Variants in TRDN observed in about 807,000 individuals in gnomAD.
The protein encoded by TRDN is triadin in skeletal muscle.
TRDN carries 161 observed loss-of-function variants against 149.7 expected under a neutral mutation model. The ratio of observed to expected loss-of-function variants is 1.08; its 90% CI spans 0.95 to 1.23. TRDN has a LOEUF of 1.23. Among genes scored for constraint, TRDN ranks in the 50% most tolerant of loss-of-function variants. TRDN has a pLI of 0.00. For synonymous variants in TRDN, 294 were observed against 250.5 expected (o/e 1.17, Z -1.64); for missense variants, 896 against 823.5 (o/e 1.09, Z -1.08).
chr6:123,547,309 A>G lies in TRDN; in HGVS notation c.424+31T>C, dbSNP rs1348816034. On this transcript the variant is annotated intron_variant, in intron 4 of 40. Coordinates refer to ENST00000334268, the MANE Select transcript of TRDN (RefSeq NM_006073.4). The stretch of plus-strand genomic sequence containing the variant: ...AAACCAATATTACCATAAGAGAAAA[A>G]TAATTATTATCAAAGGTGAAAACAA... The G allele has an allele frequency of 2.2e-6, 3 of 1,352,176 alleles. No individual in the cohort carries two copies. In the East Asian group the frequency reaches 8.1e-5, roughly 37 times the overall value. The allele number at this position is 1,352,176 out of a possible 1,614,324, so 83.8% of individuals were successfully genotyped here.
At chr6:123,507,028 T>G (rs1307706602) in intron 7 of TRDN, among the ~76,000 whole-genome samples, 1 of 152,158 alleles carries the variant, frequency 6.6e-6, no homozygotes, top group African/African-American at 2.4e-5. Flanking sequence ...GATAAATGTA[T>G]ACTGGATTAG....
intron 35 of TRDN, 80 bp downstream of exon 35, chr6:123,259,544 T>C (rs1776685999): frequency 2.2e-6 from 2 of 917,592 alleles, no homozygotes; most frequent in East Asian, 5.5e-5. Flanking sequence ...TTTTAAATCA[T>C]ATAATTTGTA....
chr6:123,571,048 A>C lies in TRDN; in HGVS notation c.107T>G (p.Val36Gly), dbSNP rs1782552234. ...GAACGTCGTCACTATGTCTTCTGTGACTGTCCTCTTCAGCACTTTTCCGGG... is the reference window on the plus strand; with the variant it reads ...GAACGTCGTCACTATGTCTTCTGTGCCTGTCCTCTTCAGCACTTTTCCGGG... ...KSPGKVLKRT[V>G]TEDIVTTFSS... Residue 36 changes from valine (V) to glycine (G), a missense_variant, in exon 2 of 41, where the codon GTC (valine) becomes GGC (glycine). Val to Gly is a moderately radical substitution (Grantham distance 109). Coordinates refer to ENST00000334268, the MANE Select transcript of TRDN (RefSeq NM_006073.4). The C allele has an allele frequency of 6.2e-7, 1 of 1,614,004 alleles. No homozygotes were observed. Among genetic ancestry groups the C allele is most frequent in the South Asian group, 1.1e-5 (1 of 91,090 alleles).
intron 1 of TRDN, among the ~76,000 whole-genome samples, chr6:123,603,638 G>A (rs563258950): frequency 1.8e-4 from 27 of 151,966 alleles, no homozygotes; most frequent in African/African-American, 2.9e-4. Flanking sequence ...TGAAAAAGAC[G>A]GACCTAGACT....
intron 23 of TRDN, among the ~76,000 whole-genome samples, chr6:123,324,483 A>G (rs1253746499): frequency 2.0e-5 from 3 of 151,972 alleles, no homozygotes; most frequent in Admixed American, 6.6e-5. Flanking sequence ...ACGAAACAAA[A>G]TAAAACAAAA....
At chr6:123,351,315 T>C (rs1780455868) in intron 21 of TRDN, 1 of 951,212 alleles carries the variant, frequency 1.1e-6, no homozygotes, top group African/African-American at 1.8e-5. Flanking sequence ...TCTTCTCAGA[T>C]GGGCAGATCA....
intron 1 of TRDN, among the ~76,000 whole-genome samples, chr6:123,632,440 G>A (rs1467392365): frequency 6.6e-6 from 1 of 151,912 alleles, no homozygotes. Context: ...CCATGGGTCT[G>A]TGCATTGCCC....
intron 12 of TRDN, among the ~76,000 whole-genome samples, chr6:123,412,030 G>A (rs941935219): frequency 2.2e-4 from 33 of 152,182 alleles, no homozygotes; most frequent in Middle Eastern, 3.2e-3. Flanking sequence ...CTTCTGGCTG[G>A]TTAATTTCAT....
intron 1 of TRDN, among the ~76,000 whole-genome samples, chr6:123,589,551 C>T (rs1171877239): frequency 3.3e-5 from 5 of 152,088 alleles, no homozygotes; most frequent in African/African-American, 7.2e-5. Flanking sequence ...CTCTAATGTG[C>T]GTTTTTTACT....
intron 9 of TRDN, among the ~76,000 whole-genome samples, chr6:123,484,799 A>C (rs1387263496): frequency 6.6e-6 from 1 of 152,204 alleles, no homozygotes; most frequent in African/African-American, 2.4e-5. Context: ...GAAAAAGCTT[A>C]AGCCTTCATT....
intron 1 of TRDN, among the ~76,000 whole-genome samples, chr6:123,622,717 T>C (rs577311357): frequency 4.3e-4 from 65 of 152,288 alleles, no homozygotes; most frequent in Non-Finnish European, 6.8e-4. Context: ...CACTTGTATA[T>C]AGAGTTCTTG....
Position 123,243,221 on chromosome 6 carries a change from C to T in TRDN, c.1975+9191G>A, listed in dbSNP as rs117293961. Among the ~76,000 whole-genome samples, 179 of 152,174 alleles carry T rather than the reference C, an allele frequency of 1.2e-3. 3 individuals are homozygous for T. The East Asian group carries it at 0.03, about 26-fold the overall frequency. On this transcript the variant is annotated intron_variant, in intron 38 of 40. Transcript: ENST00000334268. ...CACAGCTGTCACCAGTCTGATAGCA[C>T]AGGCCCAAAGGACTGTGTTCTGCCC...
At chr6:123,295,740 GAT>G (rs1304031897) in intron 24 of TRDN, among the ~76,000 whole-genome samples, 1 of 151,994 alleles carries the variant, frequency 6.6e-6, no homozygotes, top group Non-Finnish European at 1.5e-5. Flanking sequence ...GAGGCAGGTG[GAT>G]CACTCGAGAC....
intron 16 of TRDN, among the ~76,000 whole-genome samples, 188 bp downstream of exon 16, chr6:123,381,182 A>T (rs1781705844): frequency 6.6e-6 from 1 of 152,036 alleles, no homozygotes. Flanking sequence ...TCTAAAAATG[A>T]TTACTATGCT....
rs148998516 is a variant in TRDN, at chr6:123,345,545, T to G, written c.1369+6994A>C. Among the ~76,000 whole-genome samples the G allele has an allele frequency of 4.5e-3, 689 of 152,142 alleles. 3 individuals are homozygous for G. The highest frequency in any genetic ancestry group is 0.027 in the Middle Eastern group (8 of 294). On this transcript the variant is annotated intron_variant, in intron 21 of 40. Coordinates refer to ENST00000334268, the MANE Select transcript of TRDN (RefSeq NM_006073.4). ...AGTGCTGTGTTGGCTCTTCTGGGTC[T>G]TTTGCCTTTTCATATAAACTTTAGA...
intron 12 of TRDN, among the ~76,000 whole-genome samples, chr6:123,410,871 T>C (rs1436083520): frequency 6.6e-6 from 1 of 151,946 alleles, no homozygotes; most frequent in Admixed American, 6.6e-5. Flanking sequence ...CACAAATACA[T>C]AACAAAATGA....
chr6:123,631,257 G>T (rs1785987147), intron 1 of TRDN, among the ~76,000 whole-genome samples: 1 of 151,850 alleles, frequency 6.6e-6, no homozygotes, highest in Non-Finnish European at 1.5e-5. Context: ...TCATACAAAA[G>T]CTTCATACTT....
At chr6:123,255,979 G>A (rs1000700662) in intron 35 of TRDN, 77 bp from the exon 36 acceptor site, 3 of 855,764 alleles carry the variant, frequency 3.5e-6, no homozygotes, top group Non-Finnish European at 4.7e-6. Context: ...TGGGATACAT[G>A]TGCAGAACAT....
chr6:123,502,251 T>C, intron 8 of TRDN: 1 of 965,682 alleles, frequency 1.0e-6, no homozygotes, highest in Non-Finnish European at 1.2e-6. Flanking sequence ...TTCAACGTAT[T>C]TTCTCTTTAC....
Sources: gnomAD v4.1 joint callset for allele counts (sites outside exome capture counted in the v4.1 genomes callset) on GRCh38, gnomAD v4.1.1 for gene constraint, MANE v1.5 for transcripts, NCBI Gene and HGNC (gene_info 2026-07-23, HGNC 2026-07-21) for gene names.